The following EDC3 variants were observed in gnomAD, a reference collection of about 807,000 sequenced individuals.
EDC3 encodes the protein enhancer of mRNA-decapping protein 3.
Under a neutral mutation model 41.8 loss-of-function variants are expected in EDC3, and 20 were observed. The observed-to-expected ratio is 0.48, with a 90% CI of 0.34 to 0.70. The LOEUF is 0.70. EDC3 is among the 30% of genes least tolerant of loss of function. The probability of loss-of-function intolerance (pLI) is 0.01; values close to 1 mark genes in which losing one functional copy is unlikely to be tolerated. For missense variants in EDC3, 444 were observed against 636.8 expected, an observed-to-expected ratio of 0.70 and a Z score of 3.26; for synonymous variants, 206 against 243.2, an observed-to-expected ratio of 0.85 and a Z score of 1.42.
chr15:74,685,015 G>A (rs896059473), intron 1 of EDC3, among the ~76,000 whole-genome samples: 2 of 152,012 alleles, frequency 1.3e-5, no homozygotes, highest in South Asian at 2.1e-4. Flanking sequence ...CCAATCTAAC[G>A]TGGCTACTCA....
chr15:74,692,549 T>C (rs1047381247), intron 1 of EDC3, among the ~76,000 whole-genome samples: 1 of 151,724 alleles, frequency 6.6e-6, no homozygotes, highest in East Asian at 1.9e-4. Context: ...AAAGATGACA[T>C]AAAAAAAAGG....
rs546576982 is a variant in EDC3, at chr15:74,678,884, C to T, written c.-18-3742G>A. Among the ~76,000 whole-genome samples the T allele has an allele frequency of 9.7e-5, 13 of 133,858 alleles. No individual in the cohort carries two copies. The East Asian group carries it at 1.8e-3, about 19-fold the overall frequency. The allele number at this position is 133,858 out of a possible 152,430, so 87.8% of individuals were successfully genotyped here. On this transcript the variant is annotated intron_variant, in intron 1 of 6. Coordinates refer to ENST00000315127, the MANE Select transcript of EDC3 (RefSeq NM_025083.5). ...CAGCTTGGGCGACAGAGCGAGACTCCGTCTCAGAAAAAAAAAAAAAAAAAG... is the reference window on the plus strand; with the variant it reads ...CAGCTTGGGCGACAGAGCGAGACTCTGTCTCAGAAAAAAAAAAAAAAAAAG...
chr15:74,687,961 T>G (rs2062957878), intron 1 of EDC3, among the ~76,000 whole-genome samples: 1 of 152,234 alleles, frequency 6.6e-6, no homozygotes, highest in African/African-American at 2.4e-5. Context: ...AAGTTTATAT[T>G]ATGGTAGTAG....
intron 3 of EDC3, among the ~76,000 whole-genome samples, chr15:74,666,392 G>A (rs1282151901): frequency 6.6e-6 from 1 of 152,002 alleles, no homozygotes; most frequent in Non-Finnish European, 1.5e-5. Context: ...TCTAGAAAAA[G>A]GAAACTGACA....
At position 74,632,788 on chromosome 15, in the gene EDC3, G is replaced by T; in HGVS notation, c.1351C>A (p.Gln451Lys). Residue 451 changes from glutamine (Q) to lysine (K), a missense_variant, in exon 7 of 7, where the codon CAG (glutamine) becomes AAG (lysine). By Grantham distance (53) the Gln-to-Lys change is moderately conservative. Around this residue, in one of 3 missense-constraint regions of EDC3, gnomAD observed 242 missense variants for 363.8 expected, o/e 0.67. Coordinates refer to ENST00000315127, the MANE Select transcript of EDC3 (RefSeq NM_025083.5). The surrounding 1 kb of genome is among the most constrained non-coding windows in gnomAD (Gnocchi z 4.0). Reference protein sequence around the residue: ...SIDPPVHEVEQGIDAKWSLAL... With the variant: ...SIDPPVHEVEKGIDAKWSLAL... The stretch of plus-strand genomic sequence containing the variant: ...AGTGACCATTTGGCATCAATGCCCT[G>T]TTCGACTTCATGCACAGGAGGGTCT... The T allele has an allele frequency of 8.1e-6, 13 of 1,614,274 alleles. No individual in the cohort carries two copies. Among genetic ancestry groups the T allele is most frequent in the Non-Finnish European group, 1.1e-5 (13 of 1,180,054 alleles).
At chr15:74,641,929 G>A (rs2062357116) in intron 4 of EDC3, 1 of 152,606 alleles carries the variant, frequency 6.6e-6, no homozygotes, top group African/African-American at 2.4e-5. Flanking sequence ...GAAGAGTTAG[G>A]GAATAAAAGT....
chr15:74,690,944 T>C (rs1284102081), intron 1 of EDC3, among the ~76,000 whole-genome samples: 1 of 152,122 alleles, frequency 6.6e-6, no homozygotes, highest in Non-Finnish European at 1.5e-5. Flanking sequence ...TCTGCAATCC[T>C]AGCACTGTGG....
At chr15:74,642,627 C>T (rs1479270394) in intron 4 of EDC3, 6 of 152,238 alleles carry the variant, frequency 3.9e-5, no homozygotes. Context: ...ATTTCTTCAC[C>T]TATTTATCAG....
chr15:74,636,630 A>G (rs2062276555), intron 5 of EDC3: 1 of 152,272 alleles, frequency 6.6e-6, no homozygotes, highest in Middle Eastern at 3.2e-3. Context: ...TGGCAGAGCA[A>G]TGATAGTCAC....
chr15:74,683,776 T>C (rs1596332524), intron 1 of EDC3, among the ~76,000 whole-genome samples: 1 of 152,208 alleles, frequency 6.6e-6, no homozygotes, highest in Non-Finnish European at 1.5e-5. Context: ...GATGAAATCA[T>C]GTATAATCAT....
At chr15:74,677,221 C>T (rs935211501) in intron 1 of EDC3, among the ~76,000 whole-genome samples, 1 of 151,986 alleles carries the variant, frequency 6.6e-6, no homozygotes, top group African/African-American at 2.4e-5. Context: ...CACCACCACA[C>T]CTGGCTAATT....
intron 1 of EDC3, among the ~76,000 whole-genome samples, chr15:74,678,697 C>G (rs766222862): frequency 1.3e-5 from 2 of 152,028 alleles, no homozygotes; most frequent in Non-Finnish European, 2.9e-5. Context: ...TGTGACCAGC[C>G]TGGCCAACAT....
intron 1 of EDC3, among the ~76,000 whole-genome samples, chr15:74,680,252 C>A: frequency 1.1e-5 from 1 of 92,120 alleles, no homozygotes; most frequent in South Asian, 4.2e-4. Context: ...CAGAGCGAGA[C>A]TCCATCTCAA....
At chr15:74,668,177 C>A (rs983659074) in intron 3 of EDC3, among the ~76,000 whole-genome samples, 3 of 152,056 alleles carry the variant, frequency 2.0e-5, no homozygotes, top group Admixed American at 6.6e-5. Flanking sequence ...ATGTCTAGGT[C>A]ATCAAAAACA....
chr15:74,682,550 G>A (rs1186103654), intron 1 of EDC3, among the ~76,000 whole-genome samples: 6 of 147,986 alleles, frequency 4.1e-5, no homozygotes, highest in South Asian at 4.3e-4. Flanking sequence ...CTGAAGAGGT[G>A]GAGCTTGCAG....
intron 4 of EDC3, chr15:74,642,925 C>G (rs1028566706): frequency 1.3e-5 from 2 of 152,362 alleles, no homozygotes; most frequent in African/African-American, 2.4e-5. Context: ...CTCTTACCAC[C>G]TCCTCACTGA....
chr15:74,679,385 T>C (rs930835140), intron 1 of EDC3, among the ~76,000 whole-genome samples: 3 of 152,174 alleles, frequency 2.0e-5, no homozygotes, highest in African/African-American at 7.2e-5. Flanking sequence ...AAAAGTCTAA[T>C]ATATCACATA....
In EDC3 at chr15:74,675,117, G is replaced by A; in HGVS notation, c.8C>T (p.Thr3Ile). Residue 3 changes from threonine (T) to isoleucine (I), a missense_variant, in exon 2 of 7, where the codon ACA (threonine) becomes ATA (isoleucine). By Grantham distance (89) the Thr-to-Ile change is moderately conservative (BLOSUM62 -1). Transcript: ENST00000315127. ...GGACACAATACTTCCCAGCCAATCT[G>A]TAGCCATGTTTCACACGTGAGACCA... MA[T>I]DWLGSIVSIN... 6.2e-7 allele frequency: 1 copy of A among 1,613,206 alleles called. No individual in the cohort carries two copies.
chr15:74,657,501 G>A (rs1033886341), intron 3 of EDC3, among the ~76,000 whole-genome samples: 20 of 152,224 alleles, frequency 1.3e-4, no homozygotes, highest in Admixed American at 6.5e-5. Context: ...AGAGCAGTGC[G>A]TGGAGTAAAC....
Sources: gnomAD v4.1 joint callset for allele counts (sites outside exome capture counted in the v4.1 genomes callset) on GRCh38, gnomAD v4.1.1 for gene constraint, gnomAD v4.1.1 regional missense constraint, Gnocchi (gnomAD v3.1) non-coding constraint, MANE v1.5 for transcripts, NCBI Gene and HGNC (gene_info 2026-07-23, HGNC 2026-07-21) for gene names.